The following RAB6A variants were observed in gnomAD, a reference collection of about 807,000 sequenced individuals.
The protein encoded by RAB6A is ras-related protein Rab-6A.
A neutral mutation model predicts 32.3 loss-of-function variants in RAB6A; 8 were observed. The observed-to-expected ratio is 0.25, with a 90% CI of 0.15 to 0.45. RAB6A has a LOEUF of 0.45. RAB6A is among the 20% of genes least tolerant of loss of function. The pLI is 1.00. For missense variants in RAB6A, 104 were observed against 249.4 expected, an observed-to-expected ratio of 0.42 and a Z score of 3.93; for synonymous variants, 73 against 82.1, an observed-to-expected ratio of 0.89 and a Z score of 0.60.
At chr11:73,708,835 T>C (rs1945892750) in intron 5 of RAB6A, among the ~76,000 whole-genome samples, 1 of 152,222 alleles carries the variant, frequency 6.6e-6, no homozygotes, top group Non-Finnish European at 1.5e-5. Context: ...GTCCTATTAC[T>C]ATGAAAGAGT....
At chr11:73,757,856 C>A (rs1391983563) in intron 1 of RAB6A, among the ~76,000 whole-genome samples, 1 of 152,186 alleles carries the variant, frequency 6.6e-6, no homozygotes, top group Non-Finnish European at 1.5e-5. Context: ...ATTTACCCAA[C>A]ATGTCTGAAC....
intron 6 of RAB6A, among the ~76,000 whole-genome samples, chr11:73,697,468 C>T (rs552004890): frequency 7.9e-5 from 12 of 152,216 alleles, no homozygotes; most frequent in South Asian, 4.2e-4. Flanking sequence ...GTGCTTCAGC[C>T]TTCTAAGTAG....
intron 1 of RAB6A, among the ~76,000 whole-genome samples, chr11:73,757,337 G>A (rs1428974209): frequency 1.3e-5 from 2 of 149,054 alleles, no homozygotes; most frequent in Non-Finnish European, 3.0e-5. Context: ...TGTAGAGACC[G>A]GGCCATGGGG....
intron 1 of RAB6A, among the ~76,000 whole-genome samples, chr11:73,737,326 A>T (rs1946413930): frequency 6.6e-6 from 1 of 152,006 alleles, no homozygotes; most frequent in Non-Finnish European, 1.5e-5. Context: ...CTCTACAAAA[A>T]ATTTAAAATT....
intron 1 of RAB6A, among the ~76,000 whole-genome samples, chr11:73,735,920 T>TAAAAAAA (rs10676769): frequency 0.028 from 2,455 of 86,910 alleles, 91 homozygotes; most frequent in Non-Finnish European, 0.04. Flanking sequence ...AACCTTGCCT[T>TAAAAAAA]AAAAAAAAAA....
intron 1 of RAB6A, among the ~76,000 whole-genome samples, chr11:73,746,394 C>A (rs914780101): frequency 1.3e-5 from 2 of 151,992 alleles, no homozygotes; most frequent in African/African-American, 4.8e-5. Context: ...CCTGTAGTCC[C>A]AAATACTAGG....
intron 2 of RAB6A, chr11:73,729,552 T>C (rs1321023747): frequency 2.6e-5 from 4 of 152,240 alleles, no homozygotes; most frequent in Admixed American, 2.0e-4. Flanking sequence ...ATTTCCTCCA[T>C]TGTTTTTCTG....
At chr11:73,753,438 A>G (rs1300299611) in intron 1 of RAB6A, among the ~76,000 whole-genome samples, 1 of 151,490 alleles carries the variant, frequency 6.6e-6, no homozygotes, top group Non-Finnish European at 1.5e-5. Flanking sequence ...CTCGCCGGGC[A>G]CAGTGGCTCA....
In RAB6A at chr11:73,760,063, C is replaced by T. The variant is rs567525139; in HGVS notation, c.70+503G>A. On this transcript the variant is annotated intron_variant, in intron 1 of 7. Coordinates refer to ENST00000336083, the MANE Select transcript of RAB6A (RefSeq NM_198896.2). ...CCCTTCCCACCTTCCACGACATCAG[C>T]ACTTCGCAGGGCCAAGCCTCTGGGG... 1.4e-4 allele frequency: 181 copies of T among 1,289,708 alleles called. No homozygotes were observed. The African/African-American group carries it at 2.5e-3, about 18-fold the overall frequency. The allele number at this position is 1,289,708 out of a possible 1,614,324, so 79.9% of individuals were successfully genotyped here. A position where few individuals can be genotyped will look rare whatever the true frequency, so the allele number is the denominator to read the frequency against.
rs141520891 is a variant in RAB6A at position 73,749,963 on chromosome 11, C to A, written c.70+10603G>T. The stretch of plus-strand genomic sequence containing the variant: ...ATCACTTGAGCTCAGGAGTTCAAGG[C>A]CAGCCTGGGCAACATAGTGAGATCT... On this transcript the variant is annotated intron_variant, in intron 1 of 7. Coordinates refer to ENST00000336083, the MANE Select transcript of RAB6A (RefSeq NM_198896.2). Among the ~76,000 whole-genome samples the A allele has an allele frequency of 9.1e-3, 1,388 of 152,220 alleles. 15 individuals are homozygous for A. Among genetic ancestry groups the A allele is most frequent in the Middle Eastern group, 0.034 (10 of 294 alleles).
intron 6 of RAB6A, among the ~76,000 whole-genome samples, chr11:73,682,758 G>A (rs1279729148): frequency 6.6e-6 from 1 of 152,116 alleles, no homozygotes; most frequent in Non-Finnish European, 1.5e-5. Context: ...TGACCTCCTG[G>A]GCTGAAGTGA....
intron 6 of RAB6A, among the ~76,000 whole-genome samples, chr11:73,705,094 T>C (rs1451162883): frequency 6.6e-6 from 1 of 152,222 alleles, no homozygotes; most frequent in African/African-American, 2.4e-5. Context: ...GTGCTTACTG[T>C]ATGCTATCTG....
intron 4 of RAB6A, 96 bp downstream of exon 4, chr11:73,718,517 C>T: frequency 9.7e-7 from 1 of 1,031,542 alleles, no homozygotes; most frequent in East Asian, 2.5e-5. Flanking sequence ...CTTATTTTTA[C>T]ATGCCAGTAA....
Position 73,677,602 on chromosome 11 carries a change from TATC to T in RAB6A, c.*293_*295del, listed in dbSNP as rs1340487924. 1 of 666,224 alleles carries T rather than the reference TATC, an allele frequency of 1.5e-6. No homozygotes were observed. Among genetic ancestry groups the T allele is most frequent in the East Asian group, 2.9e-5 (1 of 34,594 alleles). The allele number at this position is 666,224 out of a possible 1,614,324, so 41.3% of individuals were successfully genotyped here. A position where few individuals can be genotyped will look rare whatever the true frequency, so the allele number is the denominator to read the frequency against. ...AGATTTCCATCATTTTGAAGTACAT[TATC>T]ATAACATTAAAAAAGAAAAAAATGT... is the stretch of plus-strand genomic sequence containing the variant. On this transcript the variant is annotated 3_prime_UTR_variant, in exon 8 of 8. Transcript: ENST00000336083.
intron 6 of RAB6A, among the ~76,000 whole-genome samples, chr11:73,695,965 AC>A (rs1234710958): frequency 6.6e-6 from 1 of 152,206 alleles, no homozygotes; most frequent in African/African-American, 2.4e-5. Flanking sequence ...GTAAAGAGAT[AC>A]ACTGGAGAAG....
At chr11:73,721,039 G>A in intron 2 of RAB6A, 140 bp from the exon 3 acceptor site, 3 of 681,588 alleles carry the variant, frequency 4.4e-6, no homozygotes, top group East Asian at 2.7e-5. Context: ...GACAATTAAG[G>A]ACAAACAAAA....
intron 6 of RAB6A, among the ~76,000 whole-genome samples, chr11:73,694,019 A>G (rs555395781): frequency 6.6e-6 from 1 of 152,338 alleles, no homozygotes; most frequent in East Asian, 1.9e-4. Flanking sequence ...AGTGGTTCTC[A>G]ATACCTATGC....
At chr11:73,691,129 G>A (rs1258867605) in intron 6 of RAB6A, among the ~76,000 whole-genome samples, 1 of 152,090 alleles carries the variant, frequency 6.6e-6, no homozygotes, top group African/African-American at 2.4e-5. Flanking sequence ...GGCCTGCCAC[G>A]CCAGCCAGGC....
At position 73,727,294 on chromosome 11, in the gene RAB6A, C is replaced by T. The variant is rs188511247; in HGVS notation, c.129+3471G>A. Among the ~76,000 whole-genome samples, 82 of 151,772 alleles carry T rather than the reference C, an allele frequency of 5.4e-4. 1 individual carries two copies. The highest frequency in any genetic ancestry group is 3.4e-3 in the Middle Eastern group (1 of 294). On this transcript the variant is annotated intron_variant, in intron 2 of 7. Coordinates refer to ENST00000336083, the MANE Select transcript of RAB6A (RefSeq NM_198896.2). Reference sequence around the variant, plus strand: ...TTTTTTAATTAGCTGGGAGTGGTGGCGTGTACCTGTAGTCCCAGCTACTTA... The same window carrying T: ...TTTTTTAATTAGCTGGGAGTGGTGGTGTGTACCTGTAGTCCCAGCTACTTA...
Sources: allele counts gnomAD v4.1 joint callset (sites outside exome capture counted in the v4.1 genomes callset), GRCh38; gene constraint gnomAD v4.1.1; transcripts MANE v1.5; gene names NCBI Gene and HGNC (gene_info 2026-07-23, HGNC 2026-07-21).